Variants in EFCAB6 observed in about 807,000 individuals in gnomAD.
The protein encoded by EFCAB6 is EF-hand calcium binding domain 6.
In EFCAB6, 156 loss-of-function variants were observed where a neutral mutation model predicts 169.8. The ratio of observed to expected loss-of-function variants is 0.92; its 90% confidence interval spans 0.81 to 1.05. The LOEUF is 1.05. Among genes scored for constraint, EFCAB6 ranks in the 50% least tolerant of loss-of-function variants. The pLI is 0.00. For missense variants in EFCAB6, 1,800 were observed against 1,829.1 expected (o/e 0.98, Z 0.29); for synonymous variants, 698 against 676.4 (o/e 1.03, Z -0.50).
At chr22:43,808,545 G>A (rs1465767907) in intron 2 of EFCAB6, among the ~76,000 whole-genome samples, 1 of 151,934 alleles carries the variant, frequency 6.6e-6, no homozygotes, top group Non-Finnish European at 1.5e-5. Flanking sequence ...GATCACAGGT[G>A]ATATTCGTGA....
chr22:43,591,240 G>A (rs1156232346), intron 23 of EFCAB6, among the ~76,000 whole-genome samples: 7 of 150,754 alleles, frequency 4.6e-5, no homozygotes, highest in Admixed American at 2.0e-4. Flanking sequence ...GGTAGATCAC[G>A]AGGTCAGGAG....
chr22:43,684,201 C>A (rs545144623), intron 11 of EFCAB6, among the ~76,000 whole-genome samples: 14 of 152,192 alleles, frequency 9.2e-5, no homozygotes, highest in Admixed American at 3.9e-4. Flanking sequence ...GGGAGCCCCC[C>A]CTCCTGTGTG....
intron 5 of EFCAB6, among the ~76,000 whole-genome samples, chr22:43,758,352 G>A (rs970362515): frequency 5.3e-5 from 8 of 152,096 alleles, no homozygotes; most frequent in African/African-American, 1.9e-4. Flanking sequence ...TTTGGATTGA[G>A]TATTTTAAAA....
intron 11 of EFCAB6, 21 bp downstream of exon 11, chr22:43,687,450 T>G: frequency 5.5e-6 from 7 of 1,270,742 alleles, no homozygotes; most frequent in South Asian, 3.1e-5. Context: ...AAAATTTGTT[T>G]TTTTTTTTTT....
At chr22:43,691,724 T>G (rs2058420353) in intron 10 of EFCAB6, among the ~76,000 whole-genome samples, 1 of 152,150 alleles carries the variant, frequency 6.6e-6, no homozygotes, top group African/African-American at 2.4e-5. Flanking sequence ...CTTATACAAA[T>G]TAATAAGAAA....
At chr22:43,793,381 G>A (rs982475396) in intron 2 of EFCAB6, among the ~76,000 whole-genome samples, 8 of 152,114 alleles carry the variant, frequency 5.3e-5, no homozygotes, top group African/African-American at 1.7e-4. Flanking sequence ...GATCTGGATC[G>A]TTCTGAAAAT....
intron 3 of EFCAB6, among the ~76,000 whole-genome samples, chr22:43,777,951 G>A (rs568374097): frequency 1.3e-4 from 20 of 152,044 alleles, no homozygotes; most frequent in Non-Finnish European, 2.9e-4. Flanking sequence ...TTCTATATCC[G>A]CTTAGGATAT....
At chr22:43,531,324 C>T (rs1484140725) in intron 30 of EFCAB6, among the ~76,000 whole-genome samples, 1 of 151,998 alleles carries the variant, frequency 6.6e-6, no homozygotes, top group African/African-American at 2.4e-5. Flanking sequence ...CAGGCCACAC[C>T]ACCTCCCAGG....
chr22:43,621,096 T>C (rs1196631776), intron 20 of EFCAB6, among the ~76,000 whole-genome samples: 1 of 151,836 alleles, frequency 6.6e-6, no homozygotes, highest in Non-Finnish European at 1.5e-5. Context: ...GCAATTTTTT[T>C]TTTTTTTTTT....
intron 22 of EFCAB6, among the ~76,000 whole-genome samples, chr22:43,605,607 G>A (rs2052862317): frequency 6.6e-6 from 1 of 151,828 alleles, no homozygotes; most frequent in Non-Finnish European, 1.5e-5. Flanking sequence ...TCGTGCCACT[G>A]CACTCCAGCC....
Position 43,576,279 on chromosome 22 carries a change from T to C in EFCAB6, c.3420+18A>G. 6.4e-7 allele frequency: 1 copy of C among 1,566,714 alleles called. No homozygotes were observed. Among genetic ancestry groups the C allele is most frequent in the Admixed American group, 2.2e-5 (1 of 45,676 alleles). ...GCTCATTTTCAAAGAGATGCTTATG[T>C]GCTGCAGACATTCTTACCTCCTCAA... On this transcript the variant is annotated intron_variant, in intron 26 of 31. Transcript: ENST00000262726.
intron 15 of EFCAB6, among the ~76,000 whole-genome samples, chr22:43,669,554 C>T (rs1019132013): frequency 3.9e-5 from 6 of 152,156 alleles, no homozygotes; most frequent in Middle Eastern, 3.4e-3. Flanking sequence ...TCAGTGGTTT[C>T]GTGGAGGTGG....
intron 10 of EFCAB6, among the ~76,000 whole-genome samples, chr22:43,707,664 TAA>T: frequency 6.6e-6 from 1 of 152,270 alleles, no homozygotes; most frequent in South Asian, 2.1e-4. Context: ...ACATTTTCAT[TAA>T]AGAGTAGGGC....
chr22:43,606,441 G>A (rs912804246), intron 22 of EFCAB6, among the ~76,000 whole-genome samples: 1 of 152,130 alleles, frequency 6.6e-6, no homozygotes, highest in East Asian at 1.9e-4. Context: ...AAGAAAGGGT[G>A]TGTTAAATGT....
At chr22:43,558,730 T>A (rs2048854050) in intron 26 of EFCAB6, among the ~76,000 whole-genome samples, 1 of 152,216 alleles carries the variant, frequency 6.6e-6, no homozygotes, top group African/African-American at 2.4e-5. Context: ...ATCACCACCA[T>A]ATTTTAGTAA....
chr22:43,663,506 A>G (rs1320633146), intron 17 of EFCAB6, among the ~76,000 whole-genome samples: 1 of 152,232 alleles, frequency 6.6e-6, no homozygotes, highest in Non-Finnish European at 1.5e-5. Context: ...TAGTAGCCTG[A>G]CTGTTGAAAA....
chr22:43,653,349 A>G (rs867354787), intron 17 of EFCAB6, among the ~76,000 whole-genome samples: 11 of 152,248 alleles, frequency 7.2e-5, no homozygotes, highest in African/African-American at 2.2e-4. Context: ...ATTATACCCA[A>G]TAAGATACAT....
chr22:43,739,846 C>T (rs1383907472), intron 6 of EFCAB6, among the ~76,000 whole-genome samples: 30 of 152,056 alleles, frequency 2.0e-4, no homozygotes, highest in Non-Finnish European at 4.4e-4. Context: ...CCAGCCTCCA[C>T]ACTTGACTCC....
chr22:43,620,560 C>T (rs974687971), intron 20 of EFCAB6, among the ~76,000 whole-genome samples: 3 of 152,108 alleles, frequency 2.0e-5, no homozygotes, highest in Non-Finnish European at 4.4e-5. Context: ...GACAATTTGT[C>T]TCCAACAGAC....
Sources: gnomAD v4.1 joint callset for allele counts (sites outside exome capture counted in the v4.1 genomes callset) on GRCh38, gnomAD v4.1.1 for gene constraint, MANE v1.5 for transcripts, NCBI Gene and HGNC (gene_info 2026-07-23, HGNC 2026-07-21) for gene names.